MCM3AP: variants seen among roughly 807,000 people sequenced by gnomAD.
The protein encoded by MCM3AP is minichromosome maintenance complex component 3 associated protein, also known as germinal-center associated nuclear protein.
In MCM3AP, 126 loss-of-function variants were observed where a neutral mutation model predicts 184.1. That is an observed-to-expected ratio of 0.68 (90% confidence interval 0.59 to 0.79). The LOEUF (loss-of-function observed/expected upper bound fraction) is 0.79. Ranked by LOEUF, MCM3AP falls within the 30% of genes least tolerant of loss-of-function variation. MCM3AP has a pLI of 0.00. For missense variants in MCM3AP, 2,496 were observed against 2,479.2 expected, an observed-to-expected ratio of 1.01 and a Z score of -0.14; for synonymous variants, 1,002 against 979.3, an observed-to-expected ratio of 1.02 and a Z score of -0.43.
chr21:46,235,553 G>GA, intron 27 of MCM3AP, 127 bp from the exon 28 acceptor site: 1 of 746,904 alleles, frequency 1.3e-6, no homozygotes, highest in South Asian at 1.8e-5. Flanking sequence ...TTTACAGAGG[G>GA]AAAAAAATTA....
rs1384411046 is a variant in MCM3AP at position 46,284,216 on chromosome 21, G to C, written c.1071C>G (p.Asn357Lys). ...AGCCAGTTTCCTTTTTGGCCTCCTTGTTGCCCAGACGACCTACTTCCTTAT... is the reference window on the plus strand; with the variant it reads ...AGCCAGTTTCCTTTTTGGCCTCCTTCTTGCCCAGACGACCTACTTCCTTAT... ...KSNKEVGRLG[N>K]KEAKKETGFV... The change falls in exon 1 of 28, where the codon AAC (asparagine) becomes AAG (lysine). Residue 357 changes from asparagine to lysine, a missense_variant. Around this residue, in one of 5 missense-constraint regions of MCM3AP, gnomAD observed 800 missense variants for 717.1 expected, o/e 1.12. Coordinates refer to ENST00000291688, the MANE Select transcript of MCM3AP (RefSeq NM_003906.5). 7 of 1,614,162 alleles carry C rather than the reference G, an allele frequency of 4.3e-6. No individual in the cohort carries two copies. Among genetic ancestry groups the C allele is most frequent in the Non-Finnish European group, 5.9e-6 (7 of 1,180,026 alleles).
intron 4 of MCM3AP, among the ~76,000 whole-genome samples, chr21:46,279,217 G>A (rs936487446): frequency 6.6e-6 from 1 of 151,934 alleles, no homozygotes; most frequent in Non-Finnish European, 1.5e-5. Context: ...GAACCCAGGA[G>A]GCAGAGGTTG....
rs1419105080 is a variant in MCM3AP at position 46,273,428 on chromosome 21, C to A, written c.2156G>T (p.Trp719Leu). 6.2e-7 allele frequency: 1 copy of A among 1,613,906 alleles called. No individual in the cohort carries two copies. Among genetic ancestry groups the A allele is most frequent in the African/African-American group, 1.3e-5 (1 of 74,942 alleles). The change falls in exon 7 of 28, where the codon TGG (tryptophan) becomes TTG (leucine). Residue 719 changes from tryptophan to leucine, a missense_variant. Trp to Leu is a moderately conservative substitution (Grantham distance 61). Coordinates refer to ENST00000291688, the MANE Select transcript of MCM3AP (RefSeq NM_003906.5). ...MDQKEGSLRDWYDFVWNRTRG... is the reference protein window; with the variant it reads ...MDQKEGSLRDLYDFVWNRTRG... ...CGTGCGGTTCCACACGAAGTCATAC[C>A]AATCCCGCAGGCTGCCCTCCTTCTG...
intron 6 of MCM3AP, among the ~76,000 whole-genome samples, chr21:46,274,984 A>C (rs2081237732): frequency 6.6e-6 from 1 of 152,172 alleles, no homozygotes; most frequent in South Asian, 2.1e-4. Context: ...ACTTTATTTA[A>C]AATAACTTGC....
At chr21:46,270,116 A>T (rs2081161428) in intron 9 of MCM3AP, 1 of 276,148 alleles carries the variant, frequency 3.6e-6, no homozygotes, top group Non-Finnish European at 6.7e-6. Flanking sequence ...GTTAGCTTTC[A>T]TGGATGATGA....
chr21:46,265,341 C>T lies in MCM3AP; in HGVS notation c.3214G>A (p.Val1072Met), dbSNP rs151234322. The change falls in exon 12 of 28, where the codon GTG becomes ATG. Residue 1072 changes from valine (V) to methionine (M), a missense_variant. Coordinates refer to ENST00000291688, the MANE Select transcript of MCM3AP (RefSeq NM_003906.5). The stretch of plus-strand genomic sequence containing the variant: ...CCTACCTCGTCAGAGTACATGGGCA[C>T]GGGCTCTGGAGGCGGTGGTTCAGGC... Reference protein sequence around the residue: ...VQPEPPPPEPVPMYSDEDLAQ... With the variant: ...VQPEPPPPEPMPMYSDEDLAQ... The T allele has an allele frequency of 1.5e-4, 243 of 1,613,782 alleles. No homozygotes were observed. Among genetic ancestry groups the T allele is most frequent in the African/African-American group, 2.1e-4 (16 of 74,900 alleles).
intron 15 of MCM3AP, among the ~76,000 whole-genome samples, chr21:46,259,926 A>T (rs940248061): frequency 4.7e-5 from 7 of 148,290 alleles, no homozygotes; most frequent in Non-Finnish European, 1.1e-4. Context: ...AAAAAAAAAA[A>T]TTAGCTGGGC....
rs1352520437 is a variant in MCM3AP, at chr21:46,283,800, TTC to T, written c.1256_1257del (p.Arg419LysfsTer14). On this transcript the variant is annotated frameshift_variant, in exon 2 of 28. Coordinates refer to ENST00000291688, the MANE Select transcript of MCM3AP (RefSeq NM_003906.5). LOFTEE classifies it high-confidence loss of function. ...LRGTPARQSN[R>X]SESTDSLGGL... Reference sequence around the variant, plus strand: ...CCCCCAAGACTGTCTGTGCTCTCGCTTCTGTTACTCTGACGCGCCGGAGTTCC... The same window carrying T: ...CCCCCAAGACTGTCTGTGCTCTCGCTTGTTACTCTGACGCGCCGGAGTTCC... 2.5e-6 allele frequency: 4 copies of T among 1,613,930 alleles called. No individual in the cohort carries two copies. The highest frequency in any genetic ancestry group is 3.4e-6 in the Non-Finnish European group (4 of 1,180,022).
At chr21:46,268,209 AAAT>A (rs2081137410) in intron 9 of MCM3AP, 1 of 152,194 alleles carries the variant, frequency 6.6e-6, no homozygotes, top group Admixed American at 6.5e-5. Flanking sequence ...AAAAATAAAT[AAAT>A]AAAAATAAAA....
intron 5 of MCM3AP, among the ~76,000 whole-genome samples, chr21:46,276,188 G>A (rs533233558): frequency 3.3e-5 from 5 of 151,670 alleles, no homozygotes; most frequent in East Asian, 1.9e-4. Flanking sequence ...GGAGGCGGAC[G>A]TTGCAGTGAG....
intron 19 of MCM3AP, chr21:46,254,097 C>A: frequency 5.1e-6 from 2 of 394,892 alleles, no homozygotes; most frequent in Non-Finnish European, 9.3e-6. Context: ...AGCCATGCTT[C>A]CTGTACAGCC....
chr21:46,247,144 G>A, intron 20 of MCM3AP: 2 of 438,456 alleles, frequency 4.6e-6, no homozygotes, highest in Non-Finnish European at 8.3e-6. Flanking sequence ...TTTGAGAAGG[G>A]GGTCTTATTA....
At chr21:46,254,083 C>A in intron 19 of MCM3AP, 1 of 359,760 alleles carries the variant, frequency 2.8e-6, no homozygotes, top group South Asian at 3.3e-5. Flanking sequence ...CCTGAGGCCT[C>A]CCCAGCCATG....
rs1173708318 is a variant in MCM3AP, at chr21:46,245,044, C to T, written c.4801G>A (p.Ala1601Thr). The change falls in exon 23 of 28, where the codon GCT (alanine) becomes ACT (threonine). Residue 1601 changes from alanine (A) to threonine (T), a missense_variant. Transcript: ENST00000291688. ...DRRERRLGGL[A>T]SQEPGAIIEL... Reference sequence around the variant, plus strand: ...ATGATGGCGCCAGGCTCCTGAGAAGCAAGACCGCCCAGACGCCTCTCTCTT... The same window carrying T: ...ATGATGGCGCCAGGCTCCTGAGAAGTAAGACCGCCCAGACGCCTCTCTCTT... 16 of 1,614,208 alleles carry T rather than the reference C, an allele frequency of 9.9e-6. No individual in the cohort carries two copies. Among genetic ancestry groups the T allele is most frequent in the Non-Finnish European group, 1.3e-5 (15 of 1,180,046 alleles).
chr21:46,241,410 G>A (rs556978528), intron 25 of MCM3AP: 1 of 167,486 alleles, frequency 6.0e-6, no homozygotes, highest in South Asian at 1.6e-4. Context: ...ATAGCTCTTG[G>A]ATACATTTGG....
chr21:46,274,933 T>G (rs2081235800), intron 6 of MCM3AP, among the ~76,000 whole-genome samples: 1 of 91,788 alleles, frequency 1.1e-5, no homozygotes, highest in Admixed American at 1.4e-4. Context: ...AGTGAGACCC[T>G]GTCTCAAAAA....
intron 8 of MCM3AP, 111 bp from the exon 9 acceptor site, chr21:46,270,674 C>T: frequency 1.0e-6 from 1 of 968,614 alleles, no homozygotes; most frequent in African/African-American, 1.7e-5. Flanking sequence ...TGCAGTGGCT[C>T]ACACCTGTAA....
At chr21:46,245,298 AC>A in intron 22 of MCM3AP, 101 bp from the exon 23 acceptor site, 1 of 1,062,612 alleles carries the variant, frequency 9.4e-7, no homozygotes, top group Non-Finnish European at 1.4e-6. Flanking sequence ...AGCAGGTAAT[AC>A]CAGAGTACTG....
intron 2 of MCM3AP, among the ~76,000 whole-genome samples, chr21:46,283,012 G>A (rs2081352697): frequency 2.0e-5 from 3 of 151,254 alleles, no homozygotes; most frequent in Non-Finnish European, 2.9e-5. Flanking sequence ...TGCAACCGCC[G>A]CCTCCCGGAT....
Sources: allele counts gnomAD v4.1 joint callset (sites outside exome capture counted in the v4.1 genomes callset), GRCh38; gene constraint gnomAD v4.1.1; regional missense constraint gnomAD v4.1.1; transcripts MANE v1.5; gene names NCBI Gene and HGNC (gene_info 2026-07-23, HGNC 2026-07-21).